Variants in BICRA observed in about 807,000 individuals in gnomAD.
BICRA encodes BRD4-interacting chromatin-remodeling complex-associated protein.
In BICRA, 31 loss-of-function variants were observed where a neutral mutation model predicts 96.9. The observed-to-expected ratio is 0.32, with a 90% CI of 0.24 to 0.43. The LOEUF is 0.43. Ranked by LOEUF, BICRA falls within the 20% of genes least tolerant of loss-of-function variation. The pLI is 1.00. For synonymous variants in BICRA, 1,350 were observed against 1,071.8 expected (o/e 1.26, Z -5.07); for missense variants, 2,283 against 2,190.3 (o/e 1.04, Z -0.84).
chr19:47,613,042 G>C (rs182494950), intron 1 of BICRA, among the ~76,000 whole-genome samples: 50 of 152,108 alleles, frequency 3.3e-4, no homozygotes, highest in African/African-American at 1.1e-3. Context: ...GATCTTTTTG[G>C]GGGGCTGGTG....
At chr19:47,678,769 A>C (rs1599845829) in intron 5 of BICRA, among the ~76,000 whole-genome samples, 1 of 151,952 alleles carries the variant, frequency 6.6e-6, no homozygotes, top group East Asian at 1.9e-4. Context: ...ATGGGTACAG[A>C]TGAAGAAACT....
chr19:47,665,920 A>T (rs954740698), intron 1 of BICRA, among the ~76,000 whole-genome samples: 1 of 152,344 alleles, frequency 6.6e-6, no homozygotes, highest in South Asian at 2.1e-4. Flanking sequence ...ACAGCACCAA[A>T]GTGGGGCCGG....
At chr19:47,609,320 C>T (rs1185260696) in intron 1 of BICRA, among the ~76,000 whole-genome samples, 152 bp downstream of exon 1, 1 of 149,566 alleles carries the variant, frequency 6.7e-6, no homozygotes, top group Admixed American at 6.6e-5. Context: ...GCCGAACCCA[C>T]CCCCGCGACA....
chr19:47,677,872 T>C (rs1327325849), intron 5 of BICRA, among the ~76,000 whole-genome samples: 1 of 152,202 alleles, frequency 6.6e-6, no homozygotes, highest in Non-Finnish European at 1.5e-5. Flanking sequence ...TCTGGAAAAG[T>C]GGTGCCATAT....
intron 1 of BICRA, among the ~76,000 whole-genome samples, chr19:47,636,376 T>G (rs1377913973): frequency 1.3e-5 from 2 of 152,124 alleles, no homozygotes; most frequent in African/African-American, 4.8e-5. Context: ...CCAGCTAATC[T>G]TTAAAATTTT....
At chr19:47,671,376 G>A (rs2123573802) in intron 2 of BICRA, among the ~76,000 whole-genome samples, 1 of 152,238 alleles carries the variant, frequency 6.6e-6, no homozygotes, top group East Asian at 1.9e-4. Flanking sequence ...CGTGGCAGTT[G>A]TCACATCGTC....
At chr19:47,611,186 C>G (rs1971901723) in intron 1 of BICRA, among the ~76,000 whole-genome samples, 1 of 152,196 alleles carries the variant, frequency 6.6e-6, no homozygotes, top group Non-Finnish European at 1.5e-5. Flanking sequence ...AGCCCTTCTT[C>G]TGTCCCACCC....
At chr19:47,683,835 C>T (rs900818738) in intron 7 of BICRA, among the ~76,000 whole-genome samples, 1 of 152,216 alleles carries the variant, frequency 6.6e-6, no homozygotes, top group Non-Finnish European at 1.5e-5. Context: ...CCACCCGCCT[C>T]AGCCTCCCAA....
intron 7 of BICRA, among the ~76,000 whole-genome samples, chr19:47,689,774 A>C (rs1401851169): frequency 6.6e-6 from 1 of 152,166 alleles, no homozygotes; most frequent in East Asian, 1.9e-4. Flanking sequence ...TAGTGCAAAT[A>C]TGGTTTACGT....
intron 1 of BICRA, among the ~76,000 whole-genome samples, chr19:47,628,318 C>T (rs1280196853): frequency 1.4e-5 from 2 of 142,038 alleles, no homozygotes; most frequent in Admixed American, 1.4e-4. Context: ...CTGGTGCAGA[C>T]ACTTTGCATT....
chr19:47,676,644 C>T (rs1972946819), intron 5 of BICRA, among the ~76,000 whole-genome samples: 1 of 148,260 alleles, frequency 6.7e-6, no homozygotes, highest in Non-Finnish European at 1.5e-5. Flanking sequence ...TCAGAACACG[C>T]ATTCACCAAA....
At chr19:47,608,556 C>T (rs1013129679), upstream of BICRA, 1 of 152,202 alleles carries the variant, frequency 6.6e-6, no homozygotes. Flanking sequence ...GACCGGCGGT[C>T]TGGGAGCGCG....
At chr19:47,667,178 C>T (rs140068336) in intron 1 of BICRA, among the ~76,000 whole-genome samples, 2,801 of 152,220 alleles carry the variant, frequency 0.018, 34 homozygotes, top group Non-Finnish European at 0.025. Flanking sequence ...ACCCCCACGC[C>T]GGGCTCATTT....
chr19:47,680,073 C>A lies in BICRA; in HGVS notation c.903C>A (p.Leu301=). The change falls in exon 6 of 15, where the codon CTC becomes CTA. Residue 301 remains leucine (L), a synonymous_variant. Transcript: ENST00000594866. ...TCTCGGCCGCTGTGGCCACCACGCTCAATGGGAACTCTGTGTTCGGAGGCG... is the reference window on the plus strand; with the variant it reads ...TCTCGGCCGCTGTGGCCACCACGCTAAATGGGAACTCTGTGTTCGGAGGCG... ...KNLSAAVATT[L]NGNSVFGGAG... is the part of the protein sequence containing the mutation. 2 of 1,564,594 alleles carry A rather than the reference C, an allele frequency of 1.3e-6. No homozygotes were observed. Among genetic ancestry groups the A allele is most frequent in the Non-Finnish European group, 8.6e-7 (1 of 1,165,830 alleles).
chr19:47,697,362 CA>C lies in BICRA; in HGVS notation c.3248+851del, dbSNP rs376598903. On this transcript the variant is annotated intron_variant, in intron 11 of 14. Coordinates refer to ENST00000594866, the MANE Select transcript of BICRA (RefSeq NM_001394372.1). Reference sequence around the variant, plus strand: ...GAGCCGAGATCATGCCATTGCACTTCAGCCCAGGCGACAGAGCAAGACTGCA... The same window carrying C: ...GAGCCGAGATCATGCCATTGCACTTCGCCCAGGCGACAGAGCAAGACTGCA... 4.5e-3 allele frequency among the ~76,000 whole-genome samples: 678 copies of C among 150,964 alleles called. 3 individuals are homozygous for C. Among genetic ancestry groups the C allele is most frequent in the African/African-American group, 0.016 (646 of 41,196 alleles).
intron 1 of BICRA, among the ~76,000 whole-genome samples, chr19:47,619,719 A>C (rs1972037464): frequency 6.6e-6 from 1 of 152,230 alleles, no homozygotes; most frequent in Non-Finnish European, 1.5e-5. Context: ...GCAACATAAT[A>C]AGACCCTATC....
chr19:47,685,786 T>TGTGTGCGCGCGCGCGCGCGCGC, intron 7 of BICRA, among the ~76,000 whole-genome samples: 5 of 117,924 alleles, frequency 4.2e-5, no homozygotes, highest in South Asian at 3.0e-4. Flanking sequence ...TGTGTGTGTG[T>TGTGTGCGCGCGCGCGCGCGCGC]GCGCGCGCGC....
intron 1 of BICRA, among the ~76,000 whole-genome samples, chr19:47,628,842 A>C (rs1342528600): frequency 6.6e-6 from 1 of 151,872 alleles, no homozygotes; most frequent in African/African-American, 2.4e-5. Flanking sequence ...TCCTGGGCTC[A>C]AGTGATCCTC....
intron 1 of BICRA, among the ~76,000 whole-genome samples, chr19:47,669,064 A>T (rs1972825536): frequency 6.6e-6 from 1 of 152,008 alleles, no homozygotes; most frequent in Non-Finnish European, 1.5e-5. Context: ...AGATCGCATC[A>T]CTGCACTCCA....
Sources: gnomAD v4.1 joint callset for allele counts (sites outside exome capture counted in the v4.1 genomes callset) on GRCh38, gnomAD v4.1.1 for gene constraint, MANE v1.5 for transcripts, NCBI Gene and HGNC (gene_info 2026-07-23, HGNC 2026-07-21) for gene names.